FER1L6: variants seen among roughly 807,000 people sequenced by gnomAD.
The protein encoded by FER1L6 is fer-1 like family member 6.
FER1L6 carries 177 observed loss-of-function variants against 219.2 expected under a neutral mutation model. That is an observed-to-expected ratio of 0.81 (90% CI 0.71 to 0.91). The LOEUF (loss-of-function observed/expected upper bound fraction) is 0.91, where lower values mean the gene tolerates loss of function less well. FER1L6 is among the 40% of genes least tolerant of loss of function. FER1L6 has a pLI of 0.00. For missense variants in FER1L6, 2,153 were observed against 2,259.9 expected (o/e 0.95, Z 0.96); for synonymous variants, 768 against 824.3 (o/e 0.93, Z 1.17).
intron 1 of FER1L6, among the ~76,000 whole-genome samples, chr8:123,864,966 C>T (rs1816807384): frequency 6.6e-6 from 1 of 151,234 alleles, no homozygotes; most frequent in African/African-American, 2.5e-5. Context: ...CGTCTGAAGC[C>T]TTCCTCTCTC....
chr8:124,030,021 A>C (rs1212244855), intron 18 of FER1L6, among the ~76,000 whole-genome samples: 1 of 152,112 alleles, frequency 6.6e-6, no homozygotes, highest in East Asian at 1.9e-4. Context: ...TTAAATAGGG[A>C]ATTATTTCCC....
At chr8:123,912,191 C>A (rs1813057914) in intron 1 of FER1L6, among the ~76,000 whole-genome samples, 1 of 151,936 alleles carries the variant, frequency 6.6e-6, no homozygotes, top group Non-Finnish European at 1.5e-5. Flanking sequence ...TTAATTCTCA[C>A]AATTAAACTG....
chr8:124,081,138 G>C (rs766887541), intron 32 of FER1L6, among the ~76,000 whole-genome samples: 1 of 152,108 alleles, frequency 6.6e-6, no homozygotes, highest in Admixed American at 6.5e-5. Flanking sequence ...TAATGGGCTC[G>C]CATTCTCCTT....
At chr8:124,054,958 CTTAAAG>C (rs1251669639) in intron 22 of FER1L6, among the ~76,000 whole-genome samples, 21 of 152,230 alleles carry the variant, frequency 1.4e-4, no homozygotes, top group African/African-American at 5.1e-4. Flanking sequence ...TTGGGAGACT[CTTAAAG>C]TTACTCAGAT....
At chr8:123,914,634 TC>T (rs761615289) in intron 1 of FER1L6, among the ~76,000 whole-genome samples, 2 of 152,164 alleles carry the variant, frequency 1.3e-5, no homozygotes, top group Non-Finnish European at 2.9e-5. Flanking sequence ...TTTGCTGTGT[TC>T]CTAGCCCAGA....
intron 2 of FER1L6, among the ~76,000 whole-genome samples, chr8:123,957,954 T>G (rs1815092727): frequency 1.3e-5 from 2 of 152,158 alleles, no homozygotes; most frequent in African/African-American, 4.8e-5. Context: ...GCCTGGAAAG[T>G]TAGGGCTGTT....
At chr8:123,961,249 G>A (rs950934474) in intron 2 of FER1L6, among the ~76,000 whole-genome samples, 1 of 152,124 alleles carries the variant, frequency 6.6e-6, no homozygotes, top group East Asian at 1.9e-4. Context: ...CTGGGCGATA[G>A]AGTAAGACCC....
chr8:124,103,001 C>G (rs549253115), intron 38 of FER1L6, 145 bp from the exon 39 acceptor site: 2 of 763,028 alleles, frequency 2.6e-6, no homozygotes, highest in East Asian at 2.5e-5. Context: ...ACTCCCAATA[C>G]CTAGCACATA....
At chr8:123,869,066 G>A (rs911282245) in intron 1 of FER1L6, among the ~76,000 whole-genome samples, 4 of 152,058 alleles carry the variant, frequency 2.6e-5, no homozygotes, top group Non-Finnish European at 5.9e-5. Context: ...CTAAGATGAA[G>A]TAATAGGAAG....
At chr8:123,938,256 T>C (rs535180284) in intron 1 of FER1L6, among the ~76,000 whole-genome samples, 2 of 152,348 alleles carry the variant, frequency 1.3e-5, no homozygotes, top group South Asian at 2.1e-4. Context: ...CCTTGGTACA[T>C]GGGAATGCAT....
At chr8:123,878,404 A>G (rs1428582610) in intron 1 of FER1L6, among the ~76,000 whole-genome samples, 1 of 152,172 alleles carries the variant, frequency 6.6e-6, no homozygotes, top group Non-Finnish European at 1.5e-5. Context: ...CAATTGATTA[A>G]CACCCGAATT....
intron 18 of FER1L6, among the ~76,000 whole-genome samples, chr8:124,027,653 A>G (rs1046037715): frequency 3.0e-4 from 45 of 152,176 alleles, no homozygotes; most frequent in Non-Finnish European, 5.0e-4. Flanking sequence ...TTGAACTCCT[A>G]GGCTCAAGCA....
Position 123,980,631 on chromosome 8 carries a change from A to C in FER1L6, c.1230A>C (p.Ala410=). 1 of 1,614,180 alleles carries C rather than the reference A, an allele frequency of 6.2e-7. No homozygotes were observed. The highest frequency in any genetic ancestry group is 8.5e-7 in the Non-Finnish European group (1 of 1,180,024). The change falls in exon 11 of 41, where the codon GCA becomes GCC. Residue 410 remains alanine (A), a synonymous_variant. Coordinates refer to ENST00000522917, the MANE Select transcript of FER1L6 (RefSeq NM_001039112.2). ...CTGTGGAAATCCTCTCAGGACGGGC[A>C]CAGGAATCTAAATTTTCCAAGGCCC... is the stretch of plus-strand genomic sequence containing the variant. ...EIAVEILSGR[A]QESKFSKALK...
In FER1L6 at chr8:123,966,327, G is replaced by A. The variant is rs200565724; in HGVS notation, c.384+37G>A. 5.4e-4 allele frequency: 865 copies of A among 1,611,538 alleles called. 2 individuals carry two copies. The highest frequency in any genetic ancestry group is 6.9e-4 in the Non-Finnish European group (813 of 1,178,672). On this transcript the variant is annotated intron_variant, in intron 5 of 40. Transcript: ENST00000522917. ...AGGTCACCCACAGCTTTTGCACTAA[G>A]ATTCTCTTCACCACCATTCTGCAGG...
At chr8:124,040,138 G>A in intron 20 of FER1L6, 132 bp downstream of exon 20, 3 of 1,220,620 alleles carry the variant, frequency 2.5e-6, no homozygotes, top group Non-Finnish European at 3.5e-6. Context: ...GTTTCAGACT[G>A]AAAAGCGAAT....
At chr8:123,961,322 A>G (rs553668788) in intron 2 of FER1L6, among the ~76,000 whole-genome samples, 1 of 152,290 alleles carries the variant, frequency 6.6e-6, no homozygotes, top group Non-Finnish European at 1.5e-5. Flanking sequence ...ACTCAATCAG[A>G]ATCTGCATTT....
At chr8:124,107,289 G>C (rs181110049) in intron 39 of FER1L6, among the ~76,000 whole-genome samples, 14 of 152,264 alleles carry the variant, frequency 9.2e-5, no homozygotes, top group African/African-American at 3.4e-4. Flanking sequence ...AGTGTACTGA[G>C]CACATAAGTG....
At chr8:123,926,286 G>A (rs1813558912) in intron 1 of FER1L6, among the ~76,000 whole-genome samples, 2 of 152,134 alleles carry the variant, frequency 1.3e-5, no homozygotes, top group Non-Finnish European at 2.9e-5. Context: ...TCTGAGGGTA[G>A]GTTAGTATTA....
At chr8:124,107,146 C>A (rs1822813287) in intron 39 of FER1L6, among the ~76,000 whole-genome samples, 1 of 151,942 alleles carries the variant, frequency 6.6e-6, no homozygotes, top group African/African-American at 2.4e-5. Context: ...GATGGGGTTT[C>A]ACCATGTTAG....
Sources: allele counts gnomAD v4.1 joint callset (sites outside exome capture counted in the v4.1 genomes callset), GRCh38; gene constraint gnomAD v4.1.1; transcripts MANE v1.5; gene names NCBI Gene and HGNC (gene_info 2026-07-23, HGNC 2026-07-21).